ATRNL1: variants seen among roughly 807,000 people sequenced by gnomAD.
ATRNL1 encodes the protein attractin-like protein 1.
Under a neutral mutation model 182.7 loss-of-function variants are expected in ATRNL1, and 95 were observed. That is an observed-to-expected ratio of 0.52 (90% CI 0.44 to 0.62). The LOEUF is 0.62. ATRNL1 is among the 20% of genes least tolerant of loss of function. ATRNL1 has a pLI of 0.00. For synonymous variants in ATRNL1, 576 were observed against 568.3 expected (o/e 1.01, Z -0.19); for missense variants, 1,471 against 1,679.5 (o/e 0.88, Z 2.17).
chr10:115,491,676 G>T (rs542701146), intron 24 of ATRNL1, among the ~76,000 whole-genome samples: 1 of 152,290 alleles, frequency 6.6e-6, no homozygotes, highest in East Asian at 1.9e-4. Context: ...ATCTTAGCTT[G>T]CTGGGGTCTG....
chr10:115,700,244 G>T (rs1946689954), intron 26 of ATRNL1, among the ~76,000 whole-genome samples: 1 of 151,842 alleles, frequency 6.6e-6, no homozygotes, highest in African/African-American at 2.4e-5. Flanking sequence ...TCTGTTTTAA[G>T]TTCTTTGAGA....
chr10:115,376,229 T>G (rs1274299312), intron 19 of ATRNL1, among the ~76,000 whole-genome samples: 1 of 152,168 alleles, frequency 6.6e-6, no homozygotes, highest in African/African-American at 2.4e-5. Context: ...CTAATGGAGA[T>G]TCCTTGATAT....
chr10:115,764,097 A>G (rs1448388242), intron 27 of ATRNL1, among the ~76,000 whole-genome samples: 1 of 152,204 alleles, frequency 6.6e-6, no homozygotes. Flanking sequence ...ACCTTGCTAG[A>G]TAATTCCATA....
At chr10:115,176,882 C>CTAG in intron 8 of ATRNL1, among the ~76,000 whole-genome samples, 1 of 151,906 alleles carries the variant, frequency 6.6e-6, no homozygotes, top group Middle Eastern at 3.2e-3. Context: ...TGTACACTTT[C>CTAG]TAGTAAAGTG....
rs552813199 is a variant in ATRNL1, at chr10:115,107,339, G to A, written c.294-12846G>A. 2.0e-5 allele frequency among the ~76,000 whole-genome samples: 3 copies of A among 152,310 alleles called. No homozygotes were observed. In the South Asian group the frequency reaches 6.2e-4, roughly 32 times the overall value. On this transcript the variant is annotated intron_variant, in intron 1 of 28. Coordinates refer to ENST00000355044, the MANE Select transcript of ATRNL1 (RefSeq NM_207303.4). Reference sequence around the variant, plus strand: ...CATTCCCGTTCCAAAAGAAAAAAAGGGGTAACAGGCCCCAAATAAGTCCAG... The same window carrying A: ...CATTCCCGTTCCAAAAGAAAAAAAGAGGTAACAGGCCCCAAATAAGTCCAG...
At chr10:115,432,426 G>A (rs980209239) in intron 21 of ATRNL1, among the ~76,000 whole-genome samples, 15 of 152,016 alleles carry the variant, frequency 9.9e-5, no homozygotes, top group Admixed American at 2.6e-4. Flanking sequence ...GCTGTGAGAC[G>A]TTTAAAGCTT....
chr10:115,109,948 A>G (rs1844188563), intron 1 of ATRNL1, among the ~76,000 whole-genome samples: 1 of 152,234 alleles, frequency 6.6e-6, no homozygotes, highest in South Asian at 2.1e-4. Flanking sequence ...GCCAAATTGT[A>G]TAAACAAATT....
At chr10:115,151,677 AC>A in intron 5 of ATRNL1, among the ~76,000 whole-genome samples, 1 of 152,222 alleles carries the variant, frequency 6.6e-6, no homozygotes, top group Middle Eastern at 3.4e-3. Flanking sequence ...TTGCGTGTTC[AC>A]TTTGATGGTA....
At chr10:115,117,904 T>A (rs1012936978) in intron 1 of ATRNL1, among the ~76,000 whole-genome samples, 12 of 152,164 alleles carry the variant, frequency 7.9e-5, no homozygotes, top group Non-Finnish European at 1.6e-4. Flanking sequence ...TTAACTGGGG[T>A]AAGATGATAT....
chr10:115,621,646 G>A (rs189136609), intron 26 of ATRNL1, among the ~76,000 whole-genome samples: 80 of 152,134 alleles, frequency 5.3e-4, no homozygotes, highest in Non-Finnish European at 6.3e-4. Flanking sequence ...GTTTAAAAAT[G>A]TGTACAAGAA....
intron 19 of ATRNL1, among the ~76,000 whole-genome samples, chr10:115,349,143 A>G (rs1363994580): frequency 6.6e-6 from 1 of 151,996 alleles, no homozygotes; most frequent in African/African-American, 2.4e-5. Flanking sequence ...TCTAGTAACC[A>G]CCATTTCATT....
intron 26 of ATRNL1, among the ~76,000 whole-genome samples, chr10:115,647,464 GTTTCCTGAC>G (rs1159723219): frequency 2.6e-5 from 4 of 152,146 alleles, no homozygotes; most frequent in African/African-American, 9.7e-5. Flanking sequence ...GGCACCTGTT[GTTTCCTGAC>G]TTTTTGATGA....
At chr10:115,510,662 A>G (rs1554982462) in intron 24 of ATRNL1, among the ~76,000 whole-genome samples, 1 of 152,072 alleles carries the variant, frequency 6.6e-6, no homozygotes, top group Non-Finnish European at 1.5e-5. Context: ...TTATTGCGAT[A>G]TTAACTTTAT....
intron 28 of ATRNL1, among the ~76,000 whole-genome samples, chr10:115,911,713 G>A (rs1225516904): frequency 3.3e-5 from 5 of 152,122 alleles, no homozygotes; most frequent in Middle Eastern, 3.4e-3. Flanking sequence ...GCAGTCAGGA[G>A]AGAAGAGTGT....
chr10:115,405,398 G>A (rs988701120), intron 20 of ATRNL1, among the ~76,000 whole-genome samples: 3 of 152,128 alleles, frequency 2.0e-5, no homozygotes, highest in Admixed American at 1.3e-4. Context: ...CAGTGTAGTG[G>A]CTATGTTGTA....
intron 26 of ATRNL1, among the ~76,000 whole-genome samples, chr10:115,706,992 A>G (rs191028258): frequency 3.9e-5 from 6 of 152,010 alleles, no homozygotes; most frequent in African/African-American, 1.4e-4. Context: ...TCTAAATTTA[A>G]TTGATATGAT....
intron 20 of ATRNL1, among the ~76,000 whole-genome samples, chr10:115,397,822 A>G (rs904466564): frequency 1.3e-5 from 2 of 152,008 alleles, no homozygotes; most frequent in African/African-American, 2.4e-5. Context: ...ATGAAAGGGG[A>G]AAAAGCTGGA....
At chr10:115,142,098 A>G (rs1204131282) in intron 5 of ATRNL1, among the ~76,000 whole-genome samples, 2 of 152,210 alleles carry the variant, frequency 1.3e-5, no homozygotes, top group Non-Finnish European at 2.9e-5. Flanking sequence ...GACAGACCCT[A>G]AATAATAAAT....
intron 1 of ATRNL1, among the ~76,000 whole-genome samples, chr10:115,113,613 C>G (rs1228598830): frequency 6.6e-6 from 1 of 152,126 alleles, no homozygotes; most frequent in Non-Finnish European, 1.5e-5. Context: ...CACAAGCTCT[C>G]TCTGCCTGCT....
Sources: allele counts gnomAD v4.1 joint callset (sites outside exome capture counted in the v4.1 genomes callset), GRCh38; gene constraint gnomAD v4.1.1; transcripts MANE v1.5; gene names NCBI Gene and HGNC (gene_info 2026-07-23, HGNC 2026-07-21).